ADAM23: variants seen among roughly 807,000 people sequenced by gnomAD.
ADAM23 encodes the protein ADAM metallopeptidase domain 23.
ADAM23 carries 33 observed loss-of-function variants against 120.1 expected under a neutral mutation model. That is an observed-to-expected ratio of 0.27 (90% CI 0.21 to 0.37). The LOEUF is 0.37. Ranked by LOEUF, ADAM23 falls within the 10% of genes least tolerant of loss-of-function variation. The pLI, the probability that ADAM23 is intolerant of heterozygous loss-of-function variation, is 1.00. For missense variants in ADAM23, 862 were observed against 1,058.2 expected (o/e 0.81, Z 2.57); for synonymous variants, 367 against 375.2 (o/e 0.98, Z 0.25).
intron 3 of ADAM23, among the ~76,000 whole-genome samples, chr2:206,528,844 G>A (rs888312373): frequency 2.6e-5 from 4 of 152,168 alleles, no homozygotes; most frequent in African/African-American, 9.7e-5. Context: ...GCATACAGCT[G>A]GCTTAGAGTG....
chr2:206,550,109 A>G lies in ADAM23; in HGVS notation c.882A>G (p.Ile294Met). The change falls in exon 9 of 26, where the codon ATA becomes ATG. Residue 294 changes from isoleucine (I) to methionine (M), a missense_variant. Around this residue, in one of 4 missense-constraint regions of ADAM23, gnomAD observed 617 missense variants for 813.5 expected, o/e 0.76. Transcript: ENST00000264377. ...ATTTTCCGTAGCCATCACGTGGTAT[A>G]TTTGAAGAAATGAAATATTTGGAAC... ...RKRAVNPSRG[I>M]FEEMKYLELM... 1 of 1,576,718 alleles carries G rather than the reference A, an allele frequency of 6.3e-7. No individual in the cohort carries two copies. Among genetic ancestry groups the G allele is most frequent in the East Asian group, 2.3e-5 (1 of 43,968 alleles).
At chr2:206,485,023 A>G (rs536287628) in intron 3 of ADAM23, among the ~76,000 whole-genome samples, 2 of 152,194 alleles carry the variant, frequency 1.3e-5, no homozygotes, top group African/African-American at 4.8e-5. Context: ...CTATGAGTCC[A>G]TTAAAGCTTT....
Position 206,619,414 on chromosome 2 carries a change from T to C in ADAM23, c.*1787T>C, listed in dbSNP as rs1458558491. The C allele has an allele frequency of 1.3e-5, 2 of 152,194 alleles. No individual in the cohort carries two copies. Among genetic ancestry groups the C allele is most frequent in the Non-Finnish European group, 2.9e-5 (2 of 68,044 alleles). 9.4% of individuals were successfully genotyped at this position (152,194 alleles called of 1,614,324 possible). A position where few individuals can be genotyped will look rare whatever the true frequency, so the allele number is the denominator to read the frequency against. ...GAAGAAATTTGGTCCCGGCTTTGTT[T>C]TAATGTACAAACCGGTATGTGATCA... On this transcript the variant is annotated 3_prime_UTR_variant, in exon 26 of 26. Transcript: ENST00000264377.
rs115020185 is a variant in ADAM23 at position 206,487,141 on chromosome 2, G to C, written c.509+5833G>C. Reference sequence around the variant, plus strand: ...TTAGATGAGATAACATGTGGTGCTTGCACGTGTTTGTTGACAATGAATTAT... The same window carrying C: ...TTAGATGAGATAACATGTGGTGCTTCCACGTGTTTGTTGACAATGAATTAT... On this transcript the variant is annotated intron_variant, in intron 3 of 25. Transcript: ENST00000264377. Among the ~76,000 whole-genome samples, 565 of 152,288 alleles carry C rather than the reference G, an allele frequency of 3.7e-3. 3 individuals carry two copies. Among genetic ancestry groups the C allele is most frequent in the African/African-American group, 0.013 (541 of 41,548 alleles).
intron 4 of ADAM23, among the ~76,000 whole-genome samples, chr2:206,536,182 A>G (rs1000846225): frequency 6.6e-6 from 1 of 152,042 alleles, no homozygotes; most frequent in African/African-American, 2.4e-5. Context: ...AAATGCCAGG[A>G]TCTCCTTCTT....
At chr2:206,454,239 G>A (rs980355070) in intron 2 of ADAM23, among the ~76,000 whole-genome samples, 1 of 152,134 alleles carries the variant, frequency 6.6e-6, no homozygotes, top group Non-Finnish European at 1.5e-5. Context: ...AAGTCTTGGT[G>A]GAAGGTGAAG....
At chr2:206,506,367 C>A (rs1696497311) in intron 3 of ADAM23, among the ~76,000 whole-genome samples, 1 of 152,292 alleles carries the variant, frequency 6.6e-6, no homozygotes, top group East Asian at 1.9e-4. Context: ...AAAGTAGAAG[C>A]AAAGCAGAAT....
At chr2:206,450,158 G>GT (rs1695163297) in intron 2 of ADAM23, among the ~76,000 whole-genome samples, 1 of 152,056 alleles carries the variant, frequency 6.6e-6, no homozygotes, top group African/African-American at 2.4e-5. Context: ...GTTAGCACAC[G>GT]TTTTTACAAT....
intron 25 of ADAM23, among the ~76,000 whole-genome samples, chr2:206,617,313 C>T (rs11886147): frequency 0.065 from 9,837 of 152,150 alleles, 469 homozygotes; most frequent in Admixed American, 0.13. Context: ...CAGAGTCTTC[C>T]TGTGATTTAA....
intron 8 of ADAM23, 60 bp from the exon 9 acceptor site, chr2:206,550,035 G>T: frequency 9.8e-7 from 1 of 1,019,608 alleles, no homozygotes; most frequent in South Asian, 1.7e-5. Context: ...ACTTAACAGT[G>T]AGCACTAGAG....
Position 206,473,493 on chromosome 2 carries a change from G to T in ADAM23, c.433-7739G>T, listed in dbSNP as rs551386369. The stretch of plus-strand genomic sequence containing the variant: ...TCACACCTGTAATCTCAGCATTTTG[G>T]GTGGCTAAGATGGGAGGATTGCTTG... On this transcript the variant is annotated intron_variant, in intron 2 of 25. Coordinates refer to ENST00000264377, the MANE Select transcript of ADAM23 (RefSeq NM_003812.4). 1.6e-3 allele frequency among the ~76,000 whole-genome samples: 246 copies of T among 151,732 alleles called. 1 individual carries two copies. The highest frequency in any genetic ancestry group is 2.7e-3 in the Non-Finnish European group (186 of 67,940).
intron 2 of ADAM23, among the ~76,000 whole-genome samples, chr2:206,460,094 A>G (rs1574478863): frequency 7.1e-6 from 1 of 140,044 alleles, no homozygotes; most frequent in South Asian, 2.3e-4. Context: ...TTTCCCATCT[A>G]CTCAGAATGA....
At position 206,443,975 on chromosome 2, in the gene ADAM23, GC is replaced by G. The variant is rs1553543888; in HGVS notation, c.113del (p.Pro38ArgfsTer131). 2 of 1,365,022 alleles carry G rather than the reference GC, an allele frequency of 1.5e-6. No individual in the cohort carries two copies. The highest frequency in any genetic ancestry group is 9.5e-7 in the Non-Finnish European group (1 of 1,055,520). The allele number at this position is 1,365,022 out of a possible 1,614,324, so 84.6% of individuals were successfully genotyped here. ...CCCCGCCGGCTCGGTGCCTGCCAGC[GC>G]CCCGGCCCGCACGCCGCCCTGCCGC... is the stretch of plus-strand genomic sequence containing the variant. Reference protein sequence around the residue: ...RGPAGSVPASAPARTPPCRLL... With the variant: ...RGPAGSVPASXPARTPPCRLL... On this transcript the variant is annotated frameshift_variant, in exon 1 of 26. Coordinates refer to ENST00000264377, the MANE Select transcript of ADAM23 (RefSeq NM_003812.4). LOFTEE classifies it high-confidence loss of function.
At chr2:206,468,532 A>T (rs1386682330) in intron 2 of ADAM23, among the ~76,000 whole-genome samples, 1 of 152,182 alleles carries the variant, frequency 6.6e-6, no homozygotes, top group Non-Finnish European at 1.5e-5. Flanking sequence ...CTGAGACCTC[A>T]TCAGGCTGGC....
At chr2:206,612,854 A>T (rs912016375) in intron 25 of ADAM23, among the ~76,000 whole-genome samples, 1 of 152,356 alleles carries the variant, frequency 6.6e-6, no homozygotes, top group African/African-American at 2.4e-5. Flanking sequence ...TATCAAGATT[A>T]TTATAATCTG....
intron 2 of ADAM23, among the ~76,000 whole-genome samples, chr2:206,466,227 G>C (rs561677892): frequency 8.5e-5 from 13 of 152,166 alleles, no homozygotes; most frequent in African/African-American, 3.1e-4. Flanking sequence ...ATTCATGCAT[G>C]TGATCCATGT....
intron 6 of ADAM23, among the ~76,000 whole-genome samples, chr2:206,546,728 A>G (rs1432144300): frequency 6.6e-6 from 1 of 152,170 alleles, no homozygotes; most frequent in Non-Finnish European, 1.5e-5. Context: ...CTGAGCCTCA[A>G]TATCTTTATT....
At chr2:206,562,374 T>C in intron 13 of ADAM23, 81 bp downstream of exon 13, 1 of 1,041,092 alleles carries the variant, frequency 9.6e-7, no homozygotes, top group Non-Finnish European at 1.4e-6. Context: ...ATAAATATTT[T>C]TCATTCCAGT....
rs1197804796 is a variant in ADAM23, at chr2:206,443,538, A to G, written c.-329A>G. The G allele has an allele frequency of 1.8e-5, 2 of 110,512 alleles. No homozygotes were observed. Among genetic ancestry groups the G allele is most frequent in the Admixed American group, 1.0e-4 (1 of 9,570 alleles). 6.8% of individuals were successfully genotyped at this position (110,512 alleles called of 1,614,324 possible). On this transcript the variant is annotated 5_prime_UTR_variant, in exon 1 of 26. Coordinates refer to ENST00000264377, the MANE Select transcript of ADAM23 (RefSeq NM_003812.4). The stretch of plus-strand genomic sequence containing the variant: ...TCCCGCGCGCCGCCTCAGCATCCTC[A>G]GGCCCGGCGGCAGCCCCCGCAGTCG...
Sources: gnomAD v4.1 joint callset for allele counts (sites outside exome capture counted in the v4.1 genomes callset) on GRCh38, gnomAD v4.1.1 for gene constraint, gnomAD v4.1.1 regional missense constraint, MANE v1.5 for transcripts, NCBI Gene and HGNC (gene_info 2026-07-23, HGNC 2026-07-21) for gene names.